OTOG: variants seen among roughly 807,000 people sequenced by gnomAD.
OTOG encodes otogelin.
A neutral mutation model predicts 313.8 loss-of-function variants in OTOG; 296 were observed. That is an observed-to-expected ratio of 0.94 (90% CI 0.86 to 1.04). The LOEUF (loss-of-function observed/expected upper bound fraction) is 1.04. Ranked by LOEUF, OTOG falls within the 50% of genes least tolerant of loss-of-function variation. The pLI is 0.00. For synonymous variants in OTOG, 1,533 were observed against 1,554.9 expected (o/e 0.99, Z 0.33); for missense variants, 3,948 against 3,840.1 (o/e 1.03, Z -0.74).
intron 19 of OTOG, among the ~76,000 whole-genome samples, chr11:17,574,389 G>A (rs550247427): frequency 4.5e-4 from 68 of 152,238 alleles, no homozygotes; most frequent in African/African-American, 1.5e-3. Flanking sequence ...TGGGTGCAGG[G>A]CCTTAGCAGG....
chr11:17,642,989 A>G (rs1346691754), intron 53 of OTOG, among the ~76,000 whole-genome samples: 1 of 152,168 alleles, frequency 6.6e-6, no homozygotes, highest in East Asian at 1.9e-4. Context: ...CCATTGTTTT[A>G]CCCATTTCAT....
At chr11:17,548,533 C>T (rs937263517) in intron 3 of OTOG, among the ~76,000 whole-genome samples, 4 of 139,514 alleles carry the variant, frequency 2.9e-5, no homozygotes, top group South Asian at 2.3e-4. Context: ...GAAAGATGGA[C>T]GTTTAGAAGA....
Position 17,596,939 on chromosome 11 carries a change from T to C in OTOG, c.3614T>C (p.Val1205Ala), listed in dbSNP as rs1590029725. 1.3e-6 allele frequency: 2 copies of C among 1,550,696 alleles called. No individual in the cohort carries two copies. The highest frequency in any genetic ancestry group is 8.7e-7 in the Non-Finnish European group (1 of 1,147,020). ...GGDCECFCAS[V>A]SAYAHQCCQH... ...GACTGTGAGTGCTTCTGTGCCAGCGTCTCCGCTTATGCCCACCAGTGTTGC... is the reference window on the plus strand; with the variant it reads ...GACTGTGAGTGCTTCTGTGCCAGCGCCTCCGCTTATGCCCACCAGTGTTGC... Residue 1205 changes from valine (V) to alanine (A), a missense_variant, in exon 30 of 56, where the codon GTC becomes GCC. Physicochemically the swap from Val to Ala is moderately conservative, Grantham distance 64. Transcript: ENST00000399397.
At chr11:17,558,091 A>G in intron 8 of OTOG, 94 bp from the exon 9 acceptor site, 2 of 1,438,338 alleles carry the variant, frequency 1.4e-6, no homozygotes, top group Non-Finnish European at 1.9e-6. Flanking sequence ...CTCCTTACCC[A>G]TCCCTTGGGA....
chr11:17,636,826 G>T (rs546460277), intron 47 of OTOG, among the ~76,000 whole-genome samples: 79 of 152,098 alleles, frequency 5.2e-4, no homozygotes, highest in African/African-American at 1.7e-3. Context: ...CTGTCTACCA[G>T]CTGTGCAGCC....
At chr11:17,572,297 G>A in intron 18 of OTOG, 93 bp downstream of exon 18, 1 of 1,489,566 alleles carries the variant, frequency 6.7e-7, no homozygotes, top group Non-Finnish European at 9.0e-7. Context: ...GCAGGAGAGT[G>A]CTGGCCAAAT....
chr11:17,560,962 T>A, intron 13 of OTOG, 129 bp from the exon 14 acceptor site: 1 of 1,239,522 alleles, frequency 8.1e-7, no homozygotes, highest in Non-Finnish European at 1.1e-6. Flanking sequence ...TTAGATCCAA[T>A]CCATGGGGGA....
chr11:17,595,955 G>A (rs1201269647), intron 28 of OTOG, 83 bp from the exon 29 acceptor site: 6 of 920,848 alleles, frequency 6.5e-6, no homozygotes, highest in South Asian at 1.5e-5. Context: ...GGATCATGGC[G>A]GCCACCCTAA....
chr11:17,634,371 G>C (rs1854208334), intron 44 of OTOG, 90 bp downstream of exon 44: 2 of 1,380,354 alleles, frequency 1.4e-6, no homozygotes, highest in Non-Finnish European at 2.0e-6. Context: ...GATAGGACAA[G>C]GCCTAGGAAA....
At chr11:17,548,086 A>G (rs1375873296) in intron 2 of OTOG, 66 bp from the exon 3 acceptor site, 2 of 1,491,236 alleles carry the variant, frequency 1.3e-6, no homozygotes, top group Non-Finnish European at 1.8e-6. Context: ...GGGATAGGCC[A>G]GGGGACTGCG....
Position 17,610,213 on chromosome 11 carries a change from C to G in OTOG, c.4913C>G (p.Ser1638Cys). Residue 1638 changes from serine (S) to cysteine (C), a missense_variant, in exon 36 of 56, where the codon TCC (serine) becomes TGC (cysteine). Physicochemically the swap from Ser to Cys is moderately radical, Grantham distance 112. Coordinates refer to ENST00000399397, the MANE Select transcript of OTOG (RefSeq NM_001292063.2). ...LPVRTTPPQP[S>C]LTASPSSRPV... ...GTTAGGACGACACCCCCACAGCCCT[C>G]CTTGACAGCAAGTCCCTCCTCCAGA... 6.4e-7 allele frequency: 1 copy of G among 1,550,512 alleles called. No homozygotes were observed. The highest frequency in any genetic ancestry group is 2.4e-5 in the East Asian group (1 of 40,912).
intron 20 of OTOG, among the ~76,000 whole-genome samples, chr11:17,575,571 C>T (rs141095212): frequency 2.6e-5 from 4 of 152,162 alleles, no homozygotes; most frequent in Admixed American, 6.5e-5. Flanking sequence ...TGGGAGGCAG[C>T]GACCCCACGT....
At position 17,629,316 on chromosome 11, in the gene OTOG, G is replaced by A. The variant is rs763848795; in HGVS notation, c.6712G>A (p.Gly2238Ser). The change falls in exon 40 of 56, where the codon GGT (glycine) becomes AGT (serine). Residue 2238 changes from glycine (G) to serine (S), a missense_variant and splice_region_variant. Gly to Ser is a moderately conservative substitution (Grantham distance 56, BLOSUM62 0). Transcript: ENST00000399397. The stretch of plus-strand genomic sequence containing the variant: ...CAAGGCCCAGGGCCATGGCCTGTGC[G>A]GTGAGGTGGAACCCAGCTTGCGGGG... The part of the protein sequence containing the change: ...TSKAQGHGLC[G>S]ICDGDAANDL... 1.7e-5 allele frequency: 27 copies of A among 1,547,726 alleles called. No individual in the cohort carries two copies. Among genetic ancestry groups the A allele is most frequent in the African/African-American group, 6.9e-5 (5 of 72,992 alleles).
intron 38 of OTOG, among the ~76,000 whole-genome samples, chr11:17,613,027 G>A (rs1421552200): frequency 6.6e-6 from 1 of 152,168 alleles, no homozygotes; most frequent in Non-Finnish European, 1.5e-5. Context: ...ATGTAGGAGG[G>A]ATGGCACAGT....
At chr11:17,566,602 C>T (rs1173608821) in intron 15 of OTOG, among the ~76,000 whole-genome samples, 1 of 152,220 alleles carries the variant, frequency 6.6e-6, no homozygotes, top group East Asian at 1.9e-4. Flanking sequence ...TCTTGCTTAT[C>T]TGTAAACACT....
In OTOG at chr11:17,610,876, C is replaced by A; in HGVS notation, c.5576C>A (p.Ala1859Glu). 6.4e-7 allele frequency: 1 copy of A among 1,550,784 alleles called. No homozygotes were observed. Among genetic ancestry groups the A allele is most frequent in the African/African-American group, 1.4e-5 (1 of 73,150 alleles). ...LPFTPAAMTQ[A>E]HPPTHIAPPA... ...TTCACTCCAGCAGCAATGACCCAGG[C>A]GCACCCACCCACTCACATAGCACCC... The change falls in exon 36 of 56, where the codon GCG (alanine) becomes GAG (glutamate). Residue 1859 changes from alanine to glutamate, a missense_variant. By Grantham distance (107) the Ala-to-Glu change is moderately radical. Transcript: ENST00000399397.
chr11:17,593,690 G>A lies in OTOG; in HGVS notation c.3222G>A (p.Gln1074=), dbSNP rs1853011409. The stretch of plus-strand genomic sequence containing the variant: ...TTTTCACACTGGTGCATTTCCCACA[G>A]GAGCACATCACCCTCTTGTGGGACC... ...VGFFTLVHFP[Q]EHITLLWDQR... Residue 1074 remains glutamine (Q), a synonymous_variant, in exon 27 of 56, where the codon CAG becomes CAA. Transcript: ENST00000399397. The A allele has an allele frequency of 1.9e-6, 3 of 1,548,966 alleles. No individual in the cohort carries two copies. The highest frequency in any genetic ancestry group is 1.7e-6 in the Non-Finnish European group (2 of 1,146,996).
Position 17,548,155 on chromosome 11 carries a change from C to G in OTOG, c.159C>G (p.Ser53Arg). 1 of 1,547,114 alleles carries G rather than the reference C, an allele frequency of 6.5e-7. No individual in the cohort carries two copies. Among genetic ancestry groups the G allele is most frequent in the Non-Finnish European group, 8.7e-7 (1 of 1,144,888 alleles). The change falls in exon 3 of 56, where the codon AGC becomes AGG. Residue 53 changes from serine (S) to arginine (R), a missense_variant. Ser to Arg is a moderately radical substitution (Grantham distance 110, BLOSUM62 -1). Transcript: ENST00000399397. ...PQPEPAGQPS[S>R]SHQEATLAMG... The stretch of plus-strand genomic sequence containing the variant: ...GCCAGACTCGTGTTTCCTCCAGCAG[C>G]AGCCACCAGGAGGCGACCCTTGCCA...
At position 17,574,776 on chromosome 11, in the gene OTOG, A is replaced by C. The variant is rs778687487; in HGVS notation, c.2350A>C (p.Thr784Pro). Residue 784 changes from threonine to proline, a missense_variant, in exon 20 of 56, where the codon ACC (threonine) becomes CCC (proline). By Grantham distance (38) the Thr-to-Pro change is conservative. Coordinates refer to ENST00000399397, the MANE Select transcript of OTOG (RefSeq NM_001292063.2). ...CCCCTGCGTGGCCCCGTGTGGACGT[A>C]CCTGCCAGGACCTGGCCAGCCCTGA... ...YSPCVAPCGR[T>P]CQDLASPEAC... 3.7e-4 allele frequency: 568 copies of C among 1,550,524 alleles called. 1 individual carries two copies. The highest frequency in any genetic ancestry group is 4.2e-4 in the Non-Finnish European group (478 of 1,146,988).
Sources: allele counts gnomAD v4.1 joint callset (sites outside exome capture counted in the v4.1 genomes callset), GRCh38; gene constraint gnomAD v4.1.1; transcripts MANE v1.5; gene names NCBI Gene and HGNC (gene_info 2026-07-23, HGNC 2026-07-21).